Variants in GCC2 observed in about 807,000 individuals in gnomAD.
GCC2 encodes GRIP and coiled-coil domain-containing protein 2.
GCC2 carries 120 observed loss-of-function variants against 210.6 expected under a neutral mutation model. The observed-to-expected ratio is 0.57, with a 90% CI of 0.49 to 0.66. The LOEUF is 0.66. Among genes scored for constraint, GCC2 ranks in the 30% least tolerant of loss-of-function variants. The pLI, the probability that GCC2 is intolerant of heterozygous loss-of-function variation, is 0.00. For synonymous variants in GCC2, 703 were observed against 652.7 expected (o/e 1.08, Z -1.17); for missense variants, 1,868 against 1,871.9 (o/e 1.00, Z 0.04).
chr2:108,506,989 A>G (rs890258231), intron 22 of GCC2, among the ~76,000 whole-genome samples: 4 of 152,208 alleles, frequency 2.6e-5, no homozygotes, highest in African/African-American at 9.7e-5. Flanking sequence ...AGATTGCTTC[A>G]TGTTGCTTAT....
chr2:108,466,078 A>G (rs1280236549), intron 4 of GCC2, among the ~76,000 whole-genome samples: 1 of 152,138 alleles, frequency 6.6e-6, no homozygotes, highest in African/African-American at 2.4e-5. Context: ...ATTTTTATAT[A>G]TCCTTTTCAG....
intron 4 of GCC2, among the ~76,000 whole-genome samples, chr2:108,464,692 T>A (rs995420130): frequency 1.3e-5 from 2 of 152,148 alleles, no homozygotes; most frequent in African/African-American, 4.8e-5. Flanking sequence ...TAGGCCATTT[T>A]TGCATTGCTA....
intron 9 of GCC2, among the ~76,000 whole-genome samples, chr2:108,478,462 A>G (rs984965116): frequency 5.3e-5 from 8 of 152,164 alleles, no homozygotes; most frequent in South Asian, 4.1e-4. Flanking sequence ...TAATTTGGCT[A>G]GTTTTTTCAG....
chr2:108,505,060 C>T (rs1397342721), intron 22 of GCC2, among the ~76,000 whole-genome samples: 1 of 152,234 alleles, frequency 6.6e-6, no homozygotes, highest in Non-Finnish European at 1.5e-5. Flanking sequence ...TATCTTAGCA[C>T]AGCTTTTCTC....
At chr2:108,469,294 T>G (rs1558737953) in intron 5 of GCC2, 1 of 442,332 alleles carries the variant, frequency 2.3e-6, no homozygotes, top group Non-Finnish European at 4.0e-6. Flanking sequence ...ATTATCTTTT[T>G]TATAGCTATA....
intron 19 of GCC2, among the ~76,000 whole-genome samples, chr2:108,493,097 G>A (rs1682484433): frequency 6.6e-6 from 1 of 152,094 alleles, no homozygotes; most frequent in African/African-American, 2.4e-5. Context: ...CTCGTGACAT[G>A]TCTTTTTTTT....
At chr2:108,461,779 C>T (rs563350308) in intron 4 of GCC2, among the ~76,000 whole-genome samples, 243 of 150,596 alleles carry the variant, frequency 1.6e-3, no homozygotes, top group African/African-American at 5.6e-3. Context: ...TCTGGGATTG[C>T]AAGCATGAGC....
rs752679442 is a variant in GCC2 at position 108,492,673 on chromosome 2, C to G, written c.4330C>G (p.Arg1444Gly). ...GAACGAGGTCCTTCGAAATAGCTTC[C>G]GAGATCAAGTGCGACATTTGCAGGA... ...SQNEVLRNSF[R>G]DQVRHLQEEH... Residue 1444 changes from arginine (R) to glycine (G), a missense_variant, in exon 19 of 23, where the codon CGA (arginine) becomes GGA (glycine). By Grantham distance (125) the Arg-to-Gly change is moderately radical. Coordinates refer to ENST00000309863, the MANE Select transcript of GCC2 (RefSeq NM_181453.4). 2.4e-5 allele frequency: 39 copies of G among 1,613,680 alleles called. 1 individual carries two copies. The South Asian group carries it at 2.6e-4, about 11-fold the overall frequency.
intron 4 of GCC2, among the ~76,000 whole-genome samples, chr2:108,459,429 A>G (rs952582131): frequency 7.2e-5 from 11 of 152,216 alleles, no homozygotes; most frequent in Non-Finnish European, 1.0e-4. Flanking sequence ...TGAATGTTTC[A>G]TGTGCTGTTG....
intron 7 of GCC2, among the ~76,000 whole-genome samples, chr2:108,473,530 C>CT (rs1681349584): frequency 6.6e-6 from 1 of 152,110 alleles, no homozygotes; most frequent in African/African-American, 2.4e-5. Context: ...GGAGTTAGGA[C>CT]TTTATCTTAT....
intron 4 of GCC2, among the ~76,000 whole-genome samples, chr2:108,462,127 G>C (rs1680622112): frequency 6.8e-6 from 1 of 147,402 alleles, no homozygotes; most frequent in Non-Finnish European, 1.5e-5. Context: ...GTGAGCCACT[G>C]CACCCGGCCA....
At chr2:108,504,253 G>A (rs1683076766) in intron 22 of GCC2, among the ~76,000 whole-genome samples, 1 of 152,046 alleles carries the variant, frequency 6.6e-6, no homozygotes, top group Non-Finnish European at 1.5e-5. Flanking sequence ...TGTATCATCA[G>A]CTCTAGATAT....
chr2:108,466,702 G>A (rs913608354), intron 4 of GCC2, among the ~76,000 whole-genome samples: 1 of 151,886 alleles, frequency 6.6e-6, no homozygotes, highest in Non-Finnish European at 1.5e-5. Context: ...CCGATCTCCT[G>A]ACCTCATGAT....
intron 21 of GCC2, among the ~76,000 whole-genome samples, chr2:108,498,681 C>A (rs1454871296): frequency 2.6e-5 from 4 of 151,842 alleles, no homozygotes; most frequent in African/African-American, 4.8e-5. Context: ...CTTGAACATC[C>A]TATTACCTTT....
intron 22 of GCC2, among the ~76,000 whole-genome samples, chr2:108,502,264 C>G (rs2953737): frequency 0.19 from 29,503 of 152,062 alleles, 3,185 homozygotes; most frequent in African/African-American, 0.27. Context: ...TCAAAATACT[C>G]AGCATGTCTA....
At chr2:108,507,137 G>A (rs1468079988) in intron 22 of GCC2, among the ~76,000 whole-genome samples, 1 of 152,152 alleles carries the variant, frequency 6.6e-6, no homozygotes, top group Non-Finnish European at 1.5e-5. Flanking sequence ...GCTCGTGACT[G>A]TAATCCCAAC....
chr2:108,495,471 C>A lies in GCC2; in HGVS notation c.4628C>A (p.Pro1543His), dbSNP rs1256071663. ...TCTTTAGAGCAGCTGCTTAACTCTC[C>A]CGAAACTAAACTTGGTATGTTACTC... is the stretch of plus-strand genomic sequence containing the variant. The part of the protein sequence containing the change: ...TQSLEQLLNS[P>H]ETKLEPPLWH... Residue 1543 changes from proline to histidine, a missense_variant, in exon 20 of 23, where the codon CCC (proline) becomes CAC (histidine). Transcript: ENST00000309863. 6.3e-7 allele frequency: 1 copy of A among 1,590,998 alleles called. No homozygotes were observed. The highest frequency in any genetic ancestry group is 8.5e-7 in the Non-Finnish European group (1 of 1,176,704).
At chr2:108,487,220 A>T (rs547602396) in intron 16 of GCC2, among the ~76,000 whole-genome samples, 1 of 152,362 alleles carries the variant, frequency 6.6e-6, no homozygotes, top group South Asian at 2.1e-4. Context: ...AGGGGATATC[A>T]TAAGAGAAAA....
At chr2:108,452,562 C>A in intron 4 of GCC2, 96 bp downstream of exon 4, 1 of 759,782 alleles carries the variant, frequency 1.3e-6, no homozygotes, top group South Asian at 1.5e-5. Context: ...TTCTGTTCTA[C>A]TTCCTCTCTG....
Sources: gnomAD v4.1 joint callset for allele counts (sites outside exome capture counted in the v4.1 genomes callset) on GRCh38, gnomAD v4.1.1 for gene constraint, MANE v1.5 for transcripts, NCBI Gene and HGNC (gene_info 2026-07-23, HGNC 2026-07-21) for gene names.